The following PRELP variants were observed in gnomAD, a reference collection of about 807,000 sequenced individuals.
The protein encoded by PRELP is prolargin.
Under a neutral mutation model 22.8 loss-of-function variants are expected in PRELP, and 16 were observed. That is an observed-to-expected ratio of 0.70 (90% CI 0.47 to 1.06). The LOEUF (loss-of-function observed/expected upper bound fraction) is 1.06, where lower values mean the gene tolerates loss of function less well. Ranked by LOEUF, PRELP falls within the 50% of genes least tolerant of loss-of-function variation. PRELP has a pLI of 0.00. For missense variants in PRELP, 434 were observed against 485.2 expected, an observed-to-expected ratio of 0.89 and a Z score of 0.99; for synonymous variants, 233 against 211.4, an observed-to-expected ratio of 1.10 and a Z score of -0.89.
rs368465088 is a variant in PRELP at position 203,487,792 on chromosome 1, T to C, written c.*911T>C. The stretch of plus-strand genomic sequence containing the variant: ...CCCCGCCCCCGCCATCTGTTCTCCA[T>C]CAGTGTGCGCGGCCCAGCCATTTCC... On this transcript the variant is annotated 3_prime_UTR_variant, in exon 3 of 3. Coordinates refer to ENST00000343110, the MANE Select transcript of PRELP (RefSeq NM_002725.4). 1.8e-4 allele frequency: 27 copies of C among 152,286 alleles called. No individual in the cohort carries two copies. Among genetic ancestry groups the C allele is most frequent in the African/African-American group, 6.0e-4 (25 of 41,554 alleles). The allele number at this position is 152,286 out of a possible 1,614,324, so 9.4% of individuals were successfully genotyped here.
chr1:203,484,229 G>T, intron 2 of PRELP, 72 bp downstream of exon 2: 1 of 1,549,160 alleles, frequency 6.5e-7, no homozygotes, highest in Non-Finnish European at 8.7e-7. Flanking sequence ...CCCTCTCTAG[G>T]GAGACTCAGG....
In PRELP at chr1:203,484,285, C is replaced by A. The variant is rs1661059624; in HGVS notation, c.973+128C>A. The A allele has an allele frequency of 2.2e-6, 3 of 1,374,502 alleles. No individual in the cohort carries two copies. In the East Asian group the frequency reaches 7.4e-5, roughly 34 times the overall value. 85.1% of individuals were successfully genotyped at this position (1,374,502 alleles called of 1,614,324 possible). A position where few individuals can be genotyped will look rare whatever the true frequency, so the allele number is the denominator to read the frequency against. On this transcript the variant is annotated intron_variant, in intron 2 of 2. Transcript: ENST00000343110. ...TCCACTTTGGCACTGGACTTCAATTCATGGCCTTGCCACTTGCTATCTGGG... is the reference window on the plus strand; with the variant it reads ...TCCACTTTGGCACTGGACTTCAATTAATGGCCTTGCCACTTGCTATCTGGG...
chr1:203,486,481 A>T (rs73056542), intron 2 of PRELP, among the ~76,000 whole-genome samples: 3,868 of 152,308 alleles, frequency 0.025, 157 homozygotes, highest in African/African-American at 0.087. Context: ...TCTAGAGTTA[A>T]CTTGCAATAA....
rs1481185880 is a variant in PRELP at position 203,489,147 on chromosome 1, G to A, written c.*2266G>A. The A allele has an allele frequency of 5.2e-5, 8 of 152,568 alleles. No homozygotes were observed. The highest frequency in any genetic ancestry group is 1.2e-4 in the Non-Finnish European group (8 of 68,038). The allele number at this position is 152,568 out of a possible 1,614,324, so 9.5% of individuals were successfully genotyped here. A position where few individuals can be genotyped will look rare whatever the true frequency, so the allele number is the denominator to read the frequency against. ...ATGGCCGAAAGCAACCTGGTGCTTC[G>A]GCCTGGATAAGAGCCCCTTCTGCAT... On this transcript the variant is annotated 3_prime_UTR_variant, in exon 3 of 3. Coordinates refer to ENST00000343110, the MANE Select transcript of PRELP (RefSeq NM_002725.4).
At chr1:203,477,164 C>T (rs1457088282) in intron 1 of PRELP, among the ~76,000 whole-genome samples, 3 of 152,060 alleles carry the variant, frequency 2.0e-5, no homozygotes, top group Middle Eastern at 3.2e-3. Flanking sequence ...ATACAGATGT[C>T]GGCTCTCACT....
Position 203,483,074 on chromosome 1 carries a change from T to C in PRELP, c.-16-95T>C, listed in dbSNP as rs1661031735. 1 of 1,023,766 alleles carries C rather than the reference T, an allele frequency of 9.8e-7. No homozygotes were observed. The highest frequency in any genetic ancestry group is 1.6e-5 in the African/African-American group (1 of 62,218). 63.4% of individuals were successfully genotyped at this position (1,023,766 alleles called of 1,614,324 possible). Reference sequence around the variant, plus strand: ...CTCCCTGAGCTCTGCCCATCTTCCCTAGAGCTCTAGTTCTGCCCAACTCTG... The same window carrying C: ...CTCCCTGAGCTCTGCCCATCTTCCCCAGAGCTCTAGTTCTGCCCAACTCTG... On this transcript the variant is annotated intron_variant, in intron 1 of 2. Transcript: ENST00000343110. This position sits in a 1 kb window ranked among gnomAD's most constrained non-coding sequence, Gnocchi z 4.4.
intron 1 of PRELP, among the ~76,000 whole-genome samples, chr1:203,480,594 G>A (rs1234425376): frequency 6.6e-6 from 1 of 152,254 alleles, no homozygotes; most frequent in African/African-American, 2.4e-5. Flanking sequence ...AGCTCCGGCA[G>A]GAAGGGGCAT....
Position 203,488,561 on chromosome 1 carries a change from C to T in PRELP, c.*1680C>T, listed in dbSNP as rs113699048. 709 of 152,330 alleles carry T rather than the reference C, an allele frequency of 4.7e-3. 4 individuals are homozygous for T. Among genetic ancestry groups the T allele is most frequent in the Non-Finnish European group, 7.7e-3 (522 of 68,050 alleles). 9.4% of individuals were successfully genotyped at this position (152,330 alleles called of 1,614,324 possible). ...AGATGCTCCTCTGAGGTCCCTCCGG[C>T]GCTCATGTTCCGAGTCTGCAGCTCC... On this transcript the variant is annotated 3_prime_UTR_variant, in exon 3 of 3. Transcript: ENST00000343110.
chr1:203,478,023 G>A (rs1660941845), intron 1 of PRELP, among the ~76,000 whole-genome samples: 1 of 152,150 alleles, frequency 6.6e-6, no homozygotes, highest in African/African-American at 2.4e-5. Context: ...GCAGTGCATG[G>A]GGGCTGCCCT....
intron 1 of PRELP, among the ~76,000 whole-genome samples, chr1:203,477,369 C>T (rs1301649459): frequency 1.3e-5 from 2 of 152,162 alleles, no homozygotes; most frequent in Non-Finnish European, 2.9e-5. Context: ...AAATAGGCCA[C>T]CTCTTTTTTG....
In PRELP at chr1:203,490,815, C is replaced by T. The variant is rs551623306; in HGVS notation, c.*3934C>T. ...ACTAAACATCGACTTCGGTTCACTT[C>T]ACGGATGTTCAGTGGATATCGGTCA... On this transcript the variant is annotated 3_prime_UTR_variant, in exon 3 of 3. Transcript: ENST00000343110. The T allele has an allele frequency of 5.9e-5, 9 of 152,232 alleles. No homozygotes were observed. Among genetic ancestry groups the T allele is most frequent in the Non-Finnish European group, 1.2e-4 (8 of 68,040 alleles). The allele number at this position is 152,232 out of a possible 1,614,324, so 9.4% of individuals were successfully genotyped here.
At position 203,486,923 on chromosome 1, in the gene PRELP, G is replaced by T; in HGVS notation, c.*42G>T. The T allele has an allele frequency of 1.9e-6, 3 of 1,547,670 alleles. No individual in the cohort carries two copies. The highest frequency in any genetic ancestry group is 2.6e-6 in the Non-Finnish European group (3 of 1,138,022). On this transcript the variant is annotated 3_prime_UTR_variant, in exon 3 of 3. Transcript: ENST00000343110. Reference sequence around the variant, plus strand: ...GGATCTGCTCTGACCGCACTTGAAGGCTGGGGCCCAGGCACCTGTGCCGGC... The same window carrying T: ...GGATCTGCTCTGACCGCACTTGAAGTCTGGGGCCCAGGCACCTGTGCCGGC...
chr1:203,486,906 T>C lies in PRELP; in HGVS notation c.*25T>C. The C allele has an allele frequency of 6.3e-7, 1 of 1,590,628 alleles. No individual in the cohort carries two copies. The highest frequency in any genetic ancestry group is 8.6e-7 in the Non-Finnish European group (1 of 1,164,318). On this transcript the variant is annotated 3_prime_UTR_variant, in exon 3 of 3. Coordinates refer to ENST00000343110, the MANE Select transcript of PRELP (RefSeq NM_002725.4). ...GGCCCTACTCCGCCACCGGATCTGCTCTGACCGCACTTGAAGGCTGGGGCC... is the reference window on the plus strand; with the variant it reads ...GGCCCTACTCCGCCACCGGATCTGCCCTGACCGCACTTGAAGGCTGGGGCC...
intron 1 of PRELP, among the ~76,000 whole-genome samples, chr1:203,476,810 T>C (rs1008252065): frequency 6.6e-6 from 1 of 152,186 alleles, no homozygotes; most frequent in Non-Finnish European, 1.5e-5. Context: ...AAGGTCCTAA[T>C]TCCCAGCTCT....
At position 203,484,117 on chromosome 1, in the gene PRELP, C is replaced by T; in HGVS notation, c.933C>T (p.Asn311=). The T allele has an allele frequency of 6.2e-7, 1 of 1,613,790 alleles. No homozygotes were observed. The part of the protein sequence containing the change: ...NRISSVPAIN[N]RLEHLYLNNN... Reference sequence around the variant, plus strand: ...TCAGCAGTGTGCCCGCCATCAACAACAGGCTGGAACACCTGTACCTCAACA... The same window carrying T: ...TCAGCAGTGTGCCCGCCATCAACAATAGGCTGGAACACCTGTACCTCAACA... The change falls in exon 2 of 3, where the codon AAC becomes AAT. Residue 311 remains asparagine (N), a synonymous_variant. Coordinates refer to ENST00000343110, the MANE Select transcript of PRELP (RefSeq NM_002725.4).
chr1:203,487,093 C>A lies in PRELP; in HGVS notation c.*212C>A, dbSNP rs1166. 75,694 of 551,490 alleles carry A rather than the reference C, an allele frequency of 0.14. 6,139 individuals carry two copies. Among genetic ancestry groups the A allele is most frequent in the East Asian group, 0.28 (9,231 of 32,548 alleles). The allele number at this position is 551,490 out of a possible 1,614,324, so 34.2% of individuals were successfully genotyped here. On this transcript the variant is annotated 3_prime_UTR_variant, in exon 3 of 3. Transcript: ENST00000343110. Reference sequence around the variant, plus strand: ...TTTGGTTCCACCCAGTTGAAAGACACCCAGTGCACACCCAAACTCCTGGCC... The same window carrying A: ...TTTGGTTCCACCCAGTTGAAAGACAACCAGTGCACACCCAAACTCCTGGCC...
chr1:203,486,828 A>T lies in PRELP; in HGVS notation c.1096A>T (p.Ile366Phe), dbSNP rs1398600328. The change falls in exon 3 of 3, where the codon ATC becomes TTC. Residue 366 changes from isoleucine (I) to phenylalanine (F), a missense_variant. By Grantham distance (21) the Ile-to-Phe change is conservative (BLOSUM62 0). Transcript: ENST00000343110. ...GGATGGAAACTACTTGAAGCCGCCC[A>T]TCCCGCTGGACCTCATGATGTGCTT... The part of the protein sequence containing the change: ...RLDGNYLKPP[I>F]PLDLMMCFRL... 4 of 1,614,088 alleles carry T rather than the reference A, an allele frequency of 2.5e-6. No homozygotes were observed. The highest frequency in any genetic ancestry group is 8.5e-7 in the Non-Finnish European group (1 of 1,180,044).
At chr1:203,486,625 C>T in intron 2 of PRELP, 81 bp from the exon 3 acceptor site, 2 of 1,373,306 alleles carry the variant, frequency 1.5e-6, no homozygotes, top group Non-Finnish European at 2.0e-6. Flanking sequence ...TCCTTGCTCT[C>T]GGGTGTCTTC....
rs1167336008 is a variant in PRELP, at chr1:203,482,798, C to T, written c.-16-371C>T. The stretch of plus-strand genomic sequence containing the variant: ...ATTTTTAGTAGAGACAGGGTTTCAC[C>T]GTGTTAGCCAGGATGGTCTCGATCT... On this transcript the variant is annotated intron_variant, in intron 1 of 2. Coordinates refer to ENST00000343110, the MANE Select transcript of PRELP (RefSeq NM_002725.4). 2.0e-5 allele frequency among the ~76,000 whole-genome samples: 3 copies of T among 151,390 alleles called. No individual in the cohort carries two copies. In the East Asian group the frequency reaches 5.9e-4, roughly 30 times the overall value.
Sources: allele counts gnomAD v4.1 joint callset (sites outside exome capture counted in the v4.1 genomes callset), GRCh38; gene constraint gnomAD v4.1.1; non-coding constraint Gnocchi (gnomAD v3.1); transcripts MANE v1.5; gene names NCBI Gene and HGNC (gene_info 2026-07-23, HGNC 2026-07-21).